Variants in SLCO6A1 observed in about 807,000 individuals in gnomAD.
SLCO6A1 encodes solute carrier organic anion transporter family member 6A1, also known as cancer/testis antigen 48.
Under a neutral mutation model 72.7 loss-of-function variants are expected in SLCO6A1, and 65 were observed. That is an observed-to-expected ratio of 0.89 (90% confidence interval 0.73 to 1.10). The LOEUF is 1.10. Ranked by LOEUF, SLCO6A1 falls within the 50% of genes least tolerant of loss-of-function variation. The probability of loss-of-function intolerance (pLI) is 0.00; values close to 1 mark genes in which losing one functional copy is unlikely to be tolerated. For missense variants in SLCO6A1, 874 were observed against 872.6 expected (o/e 1.00, Z -0.02); for synonymous variants, 314 against 298.2 (o/e 1.05, Z -0.55).
intron 7 of SLCO6A1, among the ~76,000 whole-genome samples, chr5:102,425,576 C>T (rs913353992): frequency 6.6e-6 from 1 of 151,840 alleles, no homozygotes; most frequent in South Asian, 2.1e-4. Flanking sequence ...ATGTGAAGAA[C>T]TTCTTCAAGG....
chr5:102,461,268 A>C (rs569209339), intron 4 of SLCO6A1, among the ~76,000 whole-genome samples: 1 of 152,154 alleles, frequency 6.6e-6, no homozygotes, highest in Admixed American at 6.5e-5. Flanking sequence ...GAATATGTTC[A>C]ATAAAGGAAA....
intron 10 of SLCO6A1, among the ~76,000 whole-genome samples, chr5:102,394,364 T>G (rs1561424847): frequency 6.6e-6 from 1 of 151,908 alleles, no homozygotes; most frequent in Non-Finnish European, 1.5e-5. Flanking sequence ...TATCGTTACA[T>G]GCTTTGGAAA....
At chr5:102,452,951 G>T (rs759849113) in intron 6 of SLCO6A1, among the ~76,000 whole-genome samples, 1 of 152,084 alleles carries the variant, frequency 6.6e-6, no homozygotes, top group African/African-American at 2.4e-5. Context: ...GAACCATGAG[G>T]GATAGAACTA....
intron 7 of SLCO6A1, among the ~76,000 whole-genome samples, chr5:102,432,560 C>T (rs1440560519): frequency 6.6e-6 from 1 of 152,140 alleles, no homozygotes; most frequent in African/African-American, 2.4e-5. Context: ...AATATAGGCT[C>T]CCAGTCTCTT....
chr5:102,445,293 T>C (rs1368999423), intron 6 of SLCO6A1, among the ~76,000 whole-genome samples: 1 of 152,150 alleles, frequency 6.6e-6, no homozygotes, highest in Non-Finnish European at 1.5e-5. Context: ...CTTATTGTGG[T>C]TTTGATTTGA....
chr5:102,401,228 T>C (rs1285908457), intron 9 of SLCO6A1, among the ~76,000 whole-genome samples: 2 of 151,998 alleles, frequency 1.3e-5, no homozygotes, highest in Non-Finnish European at 2.9e-5. Context: ...TGGTAGAGCT[T>C]GCTTGAAAAG....
At chr5:102,478,941 T>C (rs571627368) in intron 2 of SLCO6A1, among the ~76,000 whole-genome samples, 1 of 152,320 alleles carries the variant, frequency 6.6e-6, no homozygotes, top group South Asian at 2.1e-4. Flanking sequence ...TACAGACATA[T>C]TAACTTGTGA....
intron 10 of SLCO6A1, among the ~76,000 whole-genome samples, chr5:102,391,872 GT>G (rs1746780820): frequency 2.0e-5 from 3 of 151,498 alleles, no homozygotes; most frequent in Admixed American, 2.0e-4. Context: ...ATGAAGATCT[GT>G]TTTTCCTACT....
rs202217793 is a variant in SLCO6A1, at chr5:102,425,269, G to A, written c.1277-5248C>T. 3.9e-5 allele frequency among the ~76,000 whole-genome samples: 6 copies of A among 152,262 alleles called. No individual in the cohort carries two copies. The East Asian group carries it at 1.2e-3, about 29-fold the overall frequency. ...AACATAGTATTGGAAATTCTGCCCA[G>A]GGTGATTAGGCAAGAGAAAGAAATA... On this transcript the variant is annotated intron_variant, in intron 7 of 13. Coordinates refer to ENST00000506729, the MANE Select transcript of SLCO6A1 (RefSeq NM_173488.5).
intron 1 of SLCO6A1, among the ~76,000 whole-genome samples, chr5:102,481,039 A>C (rs1358042261): frequency 1.3e-5 from 2 of 152,218 alleles, no homozygotes; most frequent in African/African-American, 4.8e-5. Flanking sequence ...ACTAGGAAAA[A>C]AGTAATCATA....
chr5:102,378,213 C>T (rs1472866377), intron 12 of SLCO6A1, among the ~76,000 whole-genome samples: 1 of 151,758 alleles, frequency 6.6e-6, no homozygotes, highest in Admixed American at 6.6e-5. Flanking sequence ...CACATATACA[C>T]CATGGAATAC....
chr5:102,458,048 C>A, intron 6 of SLCO6A1, among the ~76,000 whole-genome samples: 1 of 150,666 alleles, frequency 6.6e-6, no homozygotes, highest in Admixed American at 6.6e-5. Flanking sequence ...GGGAATTGAA[C>A]AATAAGAACA....
chr5:102,494,429 A>T (rs1234935137), intron 1 of SLCO6A1, among the ~76,000 whole-genome samples: 1 of 152,174 alleles, frequency 6.6e-6, no homozygotes, highest in African/African-American at 2.4e-5. Context: ...AATAAATTAT[A>T]CTTCATCAAA....
At chr5:102,405,618 T>C (rs1056209324) in intron 9 of SLCO6A1, among the ~76,000 whole-genome samples, 1 of 152,042 alleles carries the variant, frequency 6.6e-6, no homozygotes, top group African/African-American at 2.4e-5. Context: ...AAAGATATTT[T>C]AAGTTGAAAG....
rs145130594 is a variant in SLCO6A1, at chr5:102,498,823, G to T, written c.22C>A (p.His8Asn). The T allele has an allele frequency of 1.9e-6, 3 of 1,610,820 alleles. No homozygotes were observed. Among genetic ancestry groups the T allele is most frequent in the Non-Finnish European group, 1.7e-6 (2 of 1,179,082 alleles). ...GAGACTTCATCCTGGCTCCCAGAGT[G>T]CCGGGCGACGCCTACGAACATGGCT... is the stretch of plus-strand genomic sequence containing the variant. MFVGVARHSGSQDEVSRG... is the reference protein window; with the variant it reads MFVGVARNSGSQDEVSRG... Residue 8 changes from histidine to asparagine, a missense_variant, in exon 1 of 14, where the codon CAC (histidine) becomes AAC (asparagine). By Grantham distance (68) the His-to-Asn change is moderately conservative (BLOSUM62 1). Coordinates refer to ENST00000506729, the MANE Select transcript of SLCO6A1 (RefSeq NM_173488.5).
intron 9 of SLCO6A1, among the ~76,000 whole-genome samples, chr5:102,410,260 C>T (rs1747902495): frequency 6.6e-6 from 1 of 151,986 alleles, no homozygotes; most frequent in Non-Finnish European, 1.5e-5. Context: ...AACTGGTCAT[C>T]CCCATGTCTG....
Position 102,373,406 on chromosome 5 carries a change from T to C in SLCO6A1, c.2106A>G (p.Pro702=). ...CTTTTGGATTCTTCACAGTTACATCTGGGAAGTCAGTGTTCTCATTTAGAC... is the reference window on the plus strand; with the variant it reads ...CTTTTGGATTCTTCACAGTTACATCCGGGAAGTCAGTGTTCTCATTTAGAC... The part of the protein sequence containing the change: ...KRRLNENTDF[P]DVTVKNPKVK... Residue 702 remains proline, a synonymous_variant, in exon 13 of 14, where the codon CCA becomes CCG. Transcript: ENST00000506729. 6.3e-7 allele frequency: 1 copy of C among 1,585,420 alleles called. No individual in the cohort carries two copies. The highest frequency in any genetic ancestry group is 8.6e-7 in the Non-Finnish European group (1 of 1,168,160).
At chr5:102,425,005 C>T (rs1033442443) in intron 7 of SLCO6A1, among the ~76,000 whole-genome samples, 5 of 152,054 alleles carry the variant, frequency 3.3e-5, no homozygotes, top group African/African-American at 4.8e-5. Context: ...ATAAACAGAA[C>T]CAATGACAAA....
Position 102,424,642 on chromosome 5 carries a change from GA to G in SLCO6A1, c.1277-4622del, listed in dbSNP as rs552317707. 1.3e-4 allele frequency among the ~76,000 whole-genome samples: 20 copies of G among 151,824 alleles called. No individual in the cohort carries two copies. The South Asian group carries it at 4.2e-3, about 32-fold the overall frequency. On this transcript the variant is annotated intron_variant, in intron 7 of 13. Transcript: ENST00000506729. Reference sequence around the variant, plus strand: ...AGGCAGTAATTAGTAGGCTACCAATGAAAAAAAGCCCAGGATCAGATGGATC... The same window carrying G: ...AGGCAGTAATTAGTAGGCTACCAATGAAAAAAGCCCAGGATCAGATGGATC...
Sources: gnomAD v4.1 joint callset for allele counts (sites outside exome capture counted in the v4.1 genomes callset) on GRCh38, gnomAD v4.1.1 for gene constraint, MANE v1.5 for transcripts, NCBI Gene and HGNC (gene_info 2026-07-23, HGNC 2026-07-21) for gene names.